XRCC6: variants seen among roughly 807,000 people sequenced by gnomAD.
XRCC6 encodes X-ray repair cross complementing 6.
In XRCC6, 5 loss-of-function variants were observed where a neutral mutation model predicts 65.7. The observed-to-expected ratio is 0.08, with a 90% confidence interval of 0.04 to 0.16. The LOEUF (loss-of-function observed/expected upper bound fraction) is 0.16, where lower values mean the gene tolerates loss of function less well. Ranked by LOEUF, XRCC6 falls within the 10% of genes least tolerant of loss-of-function variation. XRCC6 has a pLI of 1.00. For missense variants in XRCC6, 447 were observed against 738.1 expected (o/e 0.61, Z 4.57); for synonymous variants, 270 against 270.6 (o/e 1.00, Z 0.02).
intron 6 of XRCC6, among the ~76,000 whole-genome samples, chr22:41,642,353 A>G (rs1306274314): frequency 6.6e-6 from 1 of 152,152 alleles, no homozygotes; most frequent in African/African-American, 2.4e-5. Flanking sequence ...TGGGTTCCTT[A>G]TATATTCTGG....
intron 7 of XRCC6, among the ~76,000 whole-genome samples, chr22:41,647,707 C>A (rs1054943064): frequency 4.6e-5 from 7 of 152,022 alleles, no homozygotes; most frequent in Non-Finnish European, 1.0e-4. Context: ...CAGACATTGG[C>A]CACTGTGCCC....
chr22:41,659,433 C>A (rs2068079545), intron 11 of XRCC6, among the ~76,000 whole-genome samples: 1 of 151,958 alleles, frequency 6.6e-6, no homozygotes, highest in Non-Finnish European at 1.5e-5. Context: ...GTCTCGATCT[C>A]CTGACCTTGT....
intron 2 of XRCC6, among the ~76,000 whole-genome samples, chr22:41,623,187 C>G (rs1240774643): frequency 6.6e-6 from 1 of 151,658 alleles, no homozygotes; most frequent in Non-Finnish European, 1.5e-5. Context: ...CTCAAGTGAT[C>G]CTCCTGCTTC....
At chr22:41,644,275 T>C (rs1251249741) in intron 6 of XRCC6, among the ~76,000 whole-genome samples, 12 of 152,250 alleles carry the variant, frequency 7.9e-5, no homozygotes, top group Non-Finnish European at 1.2e-4. Context: ...CTTAGCTCCA[T>C]TGTGGTTAAG....
chr22:41,663,570 T>G, intron 12 of XRCC6, 52 bp from the exon 13 acceptor site: 2 of 1,562,776 alleles, frequency 1.3e-6, no homozygotes, highest in South Asian at 2.3e-5. Context: ...GTAGCTGGGA[T>G]GCCACTTGTA....
At chr22:41,623,752 G>C (rs905147395) in intron 2 of XRCC6, among the ~76,000 whole-genome samples, 5 of 151,546 alleles carry the variant, frequency 3.3e-5, no homozygotes, top group African/African-American at 1.2e-4. Context: ...ACAGAGTCTT[G>C]CTCTGTCGCC....
chr22:41,634,547 T>TC (rs2067789784), intron 3 of XRCC6, among the ~76,000 whole-genome samples: 1 of 106,284 alleles, frequency 9.4e-6, no homozygotes, highest in African/African-American at 8.4e-5. Flanking sequence ...ATGAACTCTC[T>TC]TTTTTTTTTT....
rs2067807483 is a variant in XRCC6, at chr22:41,636,159, A to T, written c.242A>T (p.Asp81Val). The T allele has an allele frequency of 6.2e-7, 1 of 1,602,538 alleles. No homozygotes were observed. The highest frequency in any genetic ancestry group is 8.5e-7 in the Non-Finnish European group (1 of 1,177,666). Residue 81 changes from aspartate to valine, a missense_variant, in exon 4 of 13, where the codon GAT (aspartate) becomes GTT (valine). Around this residue, in one of 4 missense-constraint regions of XRCC6, gnomAD observed 228 missense variants for 307.4 expected, o/e 0.74. Transcript: ENST00000360079. ...YISKIISSDR[D>V]LLAVVFYGTE... ...AGTAAGATCATAAGCAGTGATCGAG[A>T]TCTCTTGGCTGTGGTGTTCTATGGT...
intron 3 of XRCC6, 39 bp downstream of exon 3, chr22:41,628,269 G>A: frequency 6.4e-7 from 1 of 1,554,962 alleles, no homozygotes; most frequent in Non-Finnish European, 8.8e-7. Context: ...TTTAAAAACA[G>A]TATTGGCTGG....
chr22:41,663,849 T>C lies in XRCC6; in HGVS notation c.*34T>C, dbSNP rs751508425. The stretch of plus-strand genomic sequence containing the variant: ...CGCGCGTCCAGCTGCCCTTCCGCAG[T>C]GTGGCCAGGCTGCCTGGCCTTGTCC... On this transcript the variant is annotated 3_prime_UTR_variant, in exon 13 of 13. Transcript: ENST00000360079. 3 of 1,598,168 alleles carry C rather than the reference T, an allele frequency of 1.9e-6. No homozygotes were observed. In the African/African-American group the frequency reaches 4.0e-5, roughly 21 times the overall value.
At chr22:41,649,139 A>AAT (rs1555906700) in intron 7 of XRCC6, among the ~76,000 whole-genome samples, 1,551 of 88,576 alleles carry the variant, frequency 0.018, 42 homozygotes, top group Admixed American at 0.027. Context: ...AAAAAAAAAA[A>AAT]ATATATATAT....
chr22:41,650,732 A>G lies in XRCC6; in HGVS notation c.970A>G (p.Ser324Gly). 2 of 1,613,154 alleles carry G rather than the reference A, an allele frequency of 1.2e-6. No homozygotes were observed. Among genetic ancestry groups the G allele is most frequent in the Non-Finnish European group, 1.7e-6 (2 of 1,179,680 alleles). Residue 324 changes from serine (S) to glycine (G), a missense_variant, in exon 8 of 13, where the codon AGT becomes GGT. This residue lies in a region of XRCC6 where 201 missense variants were observed against 374.1 expected (regional missense o/e 0.54). Transcript: ENST00000360079. ...CGTTCTTCTCCTTCAGATCTATGGG[A>G]GTCGTCAGATTATACTGGAGAAAGA... ...SDTKRSQIYG[S>G]RQIILEKEET...
At chr22:41,663,408 C>T (rs1032868564) in intron 12 of XRCC6, among the ~76,000 whole-genome samples, 2 of 152,162 alleles carry the variant, frequency 1.3e-5, no homozygotes, top group Admixed American at 6.5e-5. Context: ...ATTCACACTA[C>T]TTGTAATTTC....
At chr22:41,645,638 G>T (rs2067923652) in intron 6 of XRCC6, among the ~76,000 whole-genome samples, 1 of 151,472 alleles carries the variant, frequency 6.6e-6, no homozygotes, top group Non-Finnish European at 1.5e-5. Flanking sequence ...AAAAATTGGG[G>T]TGTTTTTTTG....
intron 6 of XRCC6, among the ~76,000 whole-genome samples, chr22:41,645,559 A>T (rs1313364761): frequency 6.6e-6 from 1 of 152,150 alleles, no homozygotes; most frequent in Non-Finnish European, 1.5e-5. Context: ...TGGCCAGAAG[A>T]AGGCACAGCA....
chr22:41,643,677 T>C (rs113704698), intron 6 of XRCC6, among the ~76,000 whole-genome samples: 21,049 of 151,150 alleles, frequency 0.14, 4,004 homozygotes, highest in African/African-American at 0.44. Context: ...AAAAATTAGC[T>C]GGGCGTGGTG....
intron 7 of XRCC6, among the ~76,000 whole-genome samples, chr22:41,648,819 T>G: frequency 6.6e-6 from 1 of 152,152 alleles, no homozygotes; most frequent in East Asian, 1.9e-4. Context: ...TATTGATTTA[T>G]TCATAGGCAG....
chr22:41,628,160 T>C lies in XRCC6; in HGVS notation c.125T>C (p.Val42Ala), dbSNP rs2067698964. The change falls in exon 3 of 13, where the codon GTT becomes GCT. Residue 42 changes from valine to alanine, a missense_variant. Transcript: ENST00000360079. ...GGAAGAGATAGTTTGATTTTTTTGGTTGATGCCTCCAAGGCTATGTTTGAA... is the reference window on the plus strand; with the variant it reads ...GGAAGAGATAGTTTGATTTTTTTGGCTGATGCCTCCAAGGCTATGTTTGAA... Reference protein sequence around the residue: ...YSGRDSLIFLVDASKAMFESQ... With the variant: ...YSGRDSLIFLADASKAMFESQ... The C allele has an allele frequency of 6.2e-7, 1 of 1,613,854 alleles. No individual in the cohort carries two copies. Among genetic ancestry groups the C allele is most frequent in the Non-Finnish European group, 8.5e-7 (1 of 1,179,952 alleles).
intron 1 of XRCC6, chr22:41,621,652 G>C (rs1006998869): frequency 3.7e-5 from 8 of 215,950 alleles, no homozygotes; most frequent in South Asian, 7.8e-5. Context: ...GTTTTTGGGC[G>C]GTATTGAGGA....
Sources: allele counts gnomAD v4.1 joint callset (sites outside exome capture counted in the v4.1 genomes callset), GRCh38; gene constraint gnomAD v4.1.1; regional missense constraint gnomAD v4.1.1; transcripts MANE v1.5; gene names NCBI Gene and HGNC (gene_info 2026-07-23, HGNC 2026-07-21).